The following WWC2 variants were observed in gnomAD, a reference collection of about 807,000 sequenced individuals.
The protein encoded by WWC2 is protein WWC2.
WWC2 carries 101 observed loss-of-function variants against 138.5 expected under a neutral mutation model. The observed-to-expected ratio is 0.73, with a 90% CI of 0.62 to 0.86. The LOEUF (loss-of-function observed/expected upper bound fraction) is 0.86, where lower values mean the gene tolerates loss of function less well. Among genes scored for constraint, WWC2 ranks in the 40% least tolerant of loss-of-function variants. WWC2 has a pLI of 0.00. For synonymous variants in WWC2, 558 were observed against 538.4 expected (o/e 1.04, Z -0.50); for missense variants, 1,420 against 1,419.4 (o/e 1.00, Z -0.01).
intron 9 of WWC2, among the ~76,000 whole-genome samples, chr4:183,257,759 G>A (rs778205453): frequency 6.6e-6 from 1 of 152,172 alleles, no homozygotes; most frequent in Non-Finnish European, 1.5e-5. Context: ...GGGTTTCTGT[G>A]CCTCTCCCCA....
chr4:183,162,226 A>C (rs968569434), intron 1 of WWC2, among the ~76,000 whole-genome samples: 6 of 152,088 alleles, frequency 3.9e-5, no homozygotes, highest in African/African-American at 1.4e-4. Flanking sequence ...CCTAATTCTC[A>C]GTGTTTCTAA....
At chr4:183,170,567 GGGA>G (rs1238373340) in intron 1 of WWC2, among the ~76,000 whole-genome samples, 1 of 152,174 alleles carries the variant, frequency 6.6e-6, no homozygotes, top group African/African-American at 2.4e-5. Context: ...GTGAAACCTG[GGGA>G]GCCTGGGATG....
chr4:183,312,320 C>T, intron 21 of WWC2, 21 bp from the exon 22 acceptor site: 2 of 1,610,024 alleles, frequency 1.2e-6, no homozygotes, highest in Non-Finnish European at 1.7e-6. Context: ...GTGTTTCTTA[C>T]ATTTTTATTC....
chr4:183,175,334 T>C (rs1001439487), intron 1 of WWC2, among the ~76,000 whole-genome samples: 1 of 152,178 alleles, frequency 6.6e-6, no homozygotes, highest in African/African-American at 2.4e-5. Context: ...TGATCTTGGC[T>C]CACTGTAGCC....
chr4:183,220,456 T>G (rs1320811595), intron 4 of WWC2, among the ~76,000 whole-genome samples: 1 of 151,414 alleles, frequency 6.6e-6, no homozygotes, highest in African/African-American at 2.4e-5. Flanking sequence ...TATTAACTTG[T>G]GGGCCATAAA....
intron 16 of WWC2, among the ~76,000 whole-genome samples, chr4:183,278,053 A>G (rs1580140304): frequency 6.6e-6 from 1 of 152,202 alleles, no homozygotes; most frequent in East Asian, 1.9e-4. Flanking sequence ...GTCCTTGCCC[A>G]TGCCTATGTC....
intron 6 of WWC2, among the ~76,000 whole-genome samples, chr4:183,248,392 A>G (rs1026931075): frequency 1.6e-4 from 25 of 152,312 alleles, no homozygotes; most frequent in African/African-American, 6.0e-4. Context: ...GTGGGTTCCT[A>G]TTGAAATAGA....
intron 11 of WWC2, among the ~76,000 whole-genome samples, chr4:183,263,769 G>A (rs1450367634): frequency 3.9e-5 from 6 of 152,122 alleles, no homozygotes; most frequent in African/African-American, 1.4e-4. Context: ...TCAAAAAAAG[G>A]AAAGATGAAT....
chr4:183,136,255 TACTC>T (rs1237269713), intron 1 of WWC2, among the ~76,000 whole-genome samples: 1 of 152,148 alleles, frequency 6.6e-6, no homozygotes, highest in African/African-American at 2.4e-5. Flanking sequence ...AAATGTTACT[TACTC>T]TATGGTCTAT....
At chr4:183,151,066 G>T (rs1464610662) in intron 1 of WWC2, among the ~76,000 whole-genome samples, 1 of 152,156 alleles carries the variant, frequency 6.6e-6, no homozygotes, top group East Asian at 1.9e-4. Flanking sequence ...TAATGAGATT[G>T]CTGGGTCAAA....
At chr4:183,202,801 T>C (rs1179599776) in intron 2 of WWC2, among the ~76,000 whole-genome samples, 1 of 152,224 alleles carries the variant, frequency 6.6e-6, no homozygotes. Context: ...GCCTTAGTTC[T>C]AGACACAGAT....
chr4:183,310,950 A>G (rs140994908), intron 21 of WWC2, among the ~76,000 whole-genome samples: 4 of 152,206 alleles, frequency 2.6e-5, no homozygotes, highest in African/African-American at 9.6e-5. Context: ...AAACTTCACA[A>G]CTTTGAAATA....
chr4:183,316,076 T>G lies in WWC2; in HGVS notation c.*347T>G. ...GTTGAGCCGGCTGTTGAGAAACAAC[T>G]TGGTTCAGCCGGTGGTTTTGCTTCT... is the stretch of plus-strand genomic sequence containing the variant. On this transcript the variant is annotated 3_prime_UTR_variant, in exon 23 of 23. Coordinates refer to ENST00000403733, the MANE Select transcript of WWC2 (RefSeq NM_024949.6). The G allele has an allele frequency of 4.9e-6, 1 of 204,386 alleles. No homozygotes were observed. 12.7% of individuals were successfully genotyped at this position (204,386 alleles called of 1,614,324 possible). A position where few individuals can be genotyped will look rare whatever the true frequency, so the allele number is the denominator to read the frequency against.
chr4:183,207,931 A>G (rs1238816947), intron 2 of WWC2, 22 bp from the exon 3 acceptor site: 1 of 1,578,838 alleles, frequency 6.3e-7, no homozygotes. Context: ...TCTAAAAAGT[A>G]CCCTCCACCT....
intron 1 of WWC2, among the ~76,000 whole-genome samples, chr4:183,171,382 C>T (rs1165725033): frequency 1.3e-5 from 2 of 152,116 alleles, no homozygotes; most frequent in Non-Finnish European, 2.9e-5. Context: ...ATTTAAGATT[C>T]ACTAGAGTTT....
intron 1 of WWC2, among the ~76,000 whole-genome samples, chr4:183,148,812 A>C (rs1408602010): frequency 6.6e-6 from 1 of 152,152 alleles, no homozygotes; most frequent in Non-Finnish European, 1.5e-5. Flanking sequence ...TAGAAAAAGC[A>C]TTTAGTGTAG....
chr4:183,304,160 G>A (rs1214126905), intron 21 of WWC2, among the ~76,000 whole-genome samples: 2 of 152,046 alleles, frequency 1.3e-5, no homozygotes, highest in East Asian at 3.9e-4. Context: ...AGAGAGGTGA[G>A]GTCATAGGGC....
intron 21 of WWC2, among the ~76,000 whole-genome samples, chr4:183,292,490 A>G (rs1400584813): frequency 6.6e-6 from 1 of 152,166 alleles, no homozygotes; most frequent in Admixed American, 6.5e-5. Context: ...GAGTGACAGG[A>G]AAAAACAGTT....
chr4:183,152,276 G>A (rs1733655147), intron 1 of WWC2, among the ~76,000 whole-genome samples: 2 of 151,894 alleles, frequency 1.3e-5, no homozygotes, highest in Admixed American at 1.3e-4. Flanking sequence ...GAGGAGGGAG[G>A]ATGCTTGAGC....
Sources: gnomAD v4.1 joint callset for allele counts (sites outside exome capture counted in the v4.1 genomes callset) on GRCh38, gnomAD v4.1.1 for gene constraint, MANE v1.5 for transcripts, NCBI Gene and HGNC (gene_info 2026-07-23, HGNC 2026-07-21) for gene names.